The following GULP1 variants were observed in gnomAD, a reference collection of about 807,000 sequenced individuals.
GULP1 encodes PTB domain-containing engulfment adapter protein 1.
GULP1 carries 19 observed loss-of-function variants against 40.9 expected under a neutral mutation model. That is an observed-to-expected ratio of 0.46 (90% confidence interval 0.32 to 0.68). The LOEUF is 0.68. Ranked by LOEUF, GULP1 falls within the 30% of genes least tolerant of loss-of-function variation. The probability of loss-of-function intolerance (pLI) is 0.03; values close to 1 mark genes in which losing one functional copy is unlikely to be tolerated. For missense variants in GULP1, 312 were observed against 362.2 expected (o/e 0.86, Z 1.12); for synonymous variants, 119 against 117.6 (o/e 1.01, Z -0.08).
intron 2 of GULP1, among the ~76,000 whole-genome samples, chr2:188,412,209 C>T (rs553471378): frequency 6.6e-6 from 1 of 152,022 alleles, no homozygotes; most frequent in South Asian, 2.1e-4. Flanking sequence ...AAGTGCCCAG[C>T]AAAAGGGGGA....
intron 7 of GULP1, among the ~76,000 whole-genome samples, chr2:188,559,749 T>C (rs1695770767): frequency 6.6e-6 from 1 of 152,194 alleles, no homozygotes; most frequent in Non-Finnish European, 1.5e-5. Flanking sequence ...GGTTTGGCTC[T>C]GTGTCCCCAC....
chr2:188,556,088 A>G (rs1011797057), intron 7 of GULP1, among the ~76,000 whole-genome samples: 10 of 151,874 alleles, frequency 6.6e-5, no homozygotes, highest in Admixed American at 2.6e-4. Context: ...AAAAGAAAAA[A>G]AAAGAAGGTT....
At chr2:188,389,335 T>C (rs2050207818) in intron 2 of GULP1, among the ~76,000 whole-genome samples, 3 of 152,190 alleles carry the variant, frequency 2.0e-5, no homozygotes, top group Non-Finnish European at 1.5e-5. Flanking sequence ...ATTTATTTAT[T>C]ACTAAAAATT....
chr2:188,295,505 T>C (rs2034714149), intron 1 of GULP1, among the ~76,000 whole-genome samples: 4 of 152,202 alleles, frequency 2.6e-5, no homozygotes, highest in Admixed American at 2.6e-4. Flanking sequence ...ATTATGATCA[T>C]TGTGAAATAT....
At chr2:188,346,169 C>T (rs188331733) in intron 1 of GULP1, among the ~76,000 whole-genome samples, 1 of 152,290 alleles carries the variant, frequency 6.6e-6, no homozygotes, top group Non-Finnish European at 1.5e-5. Context: ...TAGTCCTAAG[C>T]AGTGTTTTGT....
chr2:188,382,894 T>C (rs535078930), intron 1 of GULP1, among the ~76,000 whole-genome samples: 4 of 152,266 alleles, frequency 2.6e-5, no homozygotes, highest in Non-Finnish European at 4.4e-5. Context: ...ATGGCTTAGA[T>C]TGAAACACAG....
At chr2:188,388,598 T>C (rs1310299944) in intron 2 of GULP1, among the ~76,000 whole-genome samples, 2 of 151,948 alleles carry the variant, frequency 1.3e-5, no homozygotes, top group African/African-American at 4.8e-5. Flanking sequence ...GTGATATGTG[T>C]GTTAGACTAA....
At chr2:188,440,822 T>C (rs2057856020) in intron 2 of GULP1, among the ~76,000 whole-genome samples, 1 of 152,172 alleles carries the variant, frequency 6.6e-6, no homozygotes, top group Non-Finnish European at 1.5e-5. Flanking sequence ...ATATTTTTGG[T>C]AGAAAAAAAG....
At chr2:188,523,189 A>C (rs759315503) in intron 5 of GULP1, among the ~76,000 whole-genome samples, 10 of 152,222 alleles carry the variant, frequency 6.6e-5, no homozygotes, top group Non-Finnish European at 1.2e-4. Flanking sequence ...AACTGTCTTT[A>C]AAAGCTAAGA....
intron 5 of GULP1, among the ~76,000 whole-genome samples, chr2:188,527,411 T>A (rs1336884022): frequency 6.6e-6 from 1 of 152,164 alleles, no homozygotes; most frequent in African/African-American, 2.4e-5. Flanking sequence ...AGCAGCTGAC[T>A]TATTTTGTAA....
chr2:188,546,420 A>G (rs959397860), intron 7 of GULP1, among the ~76,000 whole-genome samples: 3 of 152,104 alleles, frequency 2.0e-5, no homozygotes, highest in African/African-American at 7.2e-5. Flanking sequence ...AGAAAGCCAG[A>G]AAATCTTTAA....
intron 7 of GULP1, among the ~76,000 whole-genome samples, chr2:188,568,890 A>C (rs1698416519): frequency 6.6e-6 from 1 of 152,176 alleles, no homozygotes. Context: ...CATAGGCACT[A>C]AATATTTGAG....
chr2:188,569,634 C>T, intron 8 of GULP1: 1 of 401,938 alleles, frequency 2.5e-6, no homozygotes, highest in East Asian at 5.6e-5. Flanking sequence ...GCAGAAGCAG[C>T]AGATGCTGGG....
chr2:188,527,515 G>A (rs1445882810), intron 5 of GULP1, among the ~76,000 whole-genome samples: 2 of 121,044 alleles, frequency 1.7e-5, no homozygotes, highest in Non-Finnish European at 3.7e-5. Flanking sequence ...TATTATTTGG[G>A]AGAGAGCTGG....
intron 1 of GULP1, among the ~76,000 whole-genome samples, chr2:188,353,463 G>A (rs1416232014): frequency 5.3e-5 from 8 of 152,128 alleles, no homozygotes; most frequent in Non-Finnish European, 1.2e-4. Context: ...GCTGTGTGCT[G>A]CCCATAGGGG....
chr2:188,379,390 C>T (rs2048722079), intron 1 of GULP1, among the ~76,000 whole-genome samples: 1 of 151,986 alleles, frequency 6.6e-6, no homozygotes, highest in Non-Finnish European at 1.5e-5. Flanking sequence ...ATAGAAAAAC[C>T]CAGGATTAAA....
rs2044850423 is a variant in GULP1 at position 188,353,790 on chromosome 2, A to G, written c.-171-29973A>G. On this transcript the variant is annotated intron_variant, in intron 1 of 11. Transcript: ENST00000409830. ...AAGAGGTGCCCTGTATCCCAGAGAA[A>G]CAGTGCTTTGGTCACCCAGAGCAGA... Among the ~76,000 whole-genome samples the G allele has an allele frequency of 2.0e-5, 3 of 151,794 alleles. No homozygotes were observed. The South Asian group carries it at 6.3e-4, about 32-fold the overall frequency.
At chr2:188,358,796 A>G (rs1043391149) in intron 1 of GULP1, among the ~76,000 whole-genome samples, 8 of 152,134 alleles carry the variant, frequency 5.3e-5, no homozygotes, top group Non-Finnish European at 1.0e-4. Context: ...TTCACATACA[A>G]TTCAGTTTGA....
At chr2:188,330,371 ATAT>A (rs542812534) in intron 1 of GULP1, among the ~76,000 whole-genome samples, 4 of 152,164 alleles carry the variant, frequency 2.6e-5, no homozygotes, top group Non-Finnish European at 5.9e-5. Context: ...ATGTTTGAAA[ATAT>A]TATTTGTCTT....
Sources: allele counts gnomAD v4.1 joint callset (sites outside exome capture counted in the v4.1 genomes callset), GRCh38; gene constraint gnomAD v4.1.1; transcripts MANE v1.5; gene names NCBI Gene and HGNC (gene_info 2026-07-23, HGNC 2026-07-21).